STAP1: variants seen among roughly 807,000 people sequenced by gnomAD.
STAP1 encodes the protein signal-transducing adaptor protein 1.
In STAP1, 30 loss-of-function variants were observed where a neutral mutation model predicts 37.8. The observed-to-expected ratio is 0.79, with a 90% CI of 0.59 to 1.08. The LOEUF (loss-of-function observed/expected upper bound fraction) is 1.08. Ranked by LOEUF, STAP1 falls within the 50% of genes least tolerant of loss-of-function variation. The pLI is 0.00. For missense variants in STAP1, 357 were observed against 349.4 expected (o/e 1.02, Z -0.17); for synonymous variants, 130 against 116.0 (o/e 1.12, Z -0.78).
At chr4:67,560,645 T>G (rs72642305) in intron 1 of STAP1, among the ~76,000 whole-genome samples, 1,255 of 34,458 alleles carry the variant, frequency 0.036, 8 homozygotes, top group Non-Finnish European at 0.095. Context: ...TGTGTGTGGG[T>G]GTGTGTCTGT....
chr4:67,601,405 G>T (rs1728339186), intron 8 of STAP1, among the ~76,000 whole-genome samples: 1 of 152,028 alleles, frequency 6.6e-6, no homozygotes, highest in Non-Finnish European at 1.5e-5. Context: ...ACAATTTACG[G>T]TGTTATAATA....
chr4:67,573,733 AAT>A (rs1254256994), intron 2 of STAP1, among the ~76,000 whole-genome samples: 5 of 152,184 alleles, frequency 3.3e-5, no homozygotes, highest in African/African-American at 1.2e-4. Context: ...CAAACTCATC[AAT>A]ATAGAAATAG....
intron 1 of STAP1, among the ~76,000 whole-genome samples, chr4:67,563,515 A>G (rs1727397852): frequency 6.6e-6 from 1 of 152,126 alleles, no homozygotes. Flanking sequence ...AGATCAGCCT[A>G]GGCAATATAG....
intron 5 of STAP1, among the ~76,000 whole-genome samples, chr4:67,582,301 G>GTTTTTTTTTTTTTTTTTTTTT (rs368595773): frequency 6.8e-6 from 1 of 148,062 alleles, no homozygotes. Flanking sequence ...TAACATTTTA[G>GTTTTTTTTTTTTTTTTTTTTT]TTTTTTTTTT....
intron 8 of STAP1, among the ~76,000 whole-genome samples, chr4:67,602,596 G>A (rs530014408): frequency 5.9e-5 from 9 of 152,320 alleles, no homozygotes; most frequent in African/African-American, 1.9e-4. Context: ...TGTGACTCTT[G>A]AAGACTTGTA....
At chr4:67,605,388 C>CAAAAAAAAAAAAAAAAAAAAAAAAA (rs10643250) in intron 8 of STAP1, among the ~76,000 whole-genome samples, 1 of 124,748 alleles carries the variant, frequency 8.0e-6, no homozygotes, top group African/African-American at 3.1e-5. Flanking sequence ...ATAGACAATA[C>CAAAAAAAAAAAAAAAAAAAAAAAAA]AAAAAAAAAA....
intron 8 of STAP1, among the ~76,000 whole-genome samples, chr4:67,601,193 C>T (rs1373355782): frequency 1.3e-5 from 2 of 152,072 alleles, no homozygotes; most frequent in Non-Finnish European, 1.5e-5. Flanking sequence ...AACCCATTAT[C>T]TTAAACTGAT....
chr4:67,590,802 C>T, intron 6 of STAP1, 82 bp from the exon 7 acceptor site: 3 of 540,506 alleles, frequency 5.6e-6, no homozygotes, highest in Admixed American at 3.4e-5. Context: ...GTTGATTATA[C>T]AGGTGATATT....
rs192758876 is a variant in STAP1 at position 67,574,210 on chromosome 4, A to G, written c.193-1175A>G. ...CAATAGTCTTTATTGTAATGTCCATACAGACAATTGATTCTCACAGAATGC... is the reference window on the plus strand; with the variant it reads ...CAATAGTCTTTATTGTAATGTCCATGCAGACAATTGATTCTCACAGAATGC... On this transcript the variant is annotated intron_variant, in intron 2 of 8. Transcript: ENST00000265404. Among the ~76,000 whole-genome samples, 37 of 152,268 alleles carry G rather than the reference A, an allele frequency of 2.4e-4. No individual in the cohort carries two copies. In the East Asian group the frequency reaches 6.9e-3, roughly 29 times the overall value.
intron 4 of STAP1, 98 bp downstream of exon 4, chr4:67,577,357 T>C (rs561774245): frequency 2.9e-6 from 3 of 1,038,602 alleles, no homozygotes; most frequent in Non-Finnish European, 2.7e-6. Context: ...GCTGAAGATA[T>C]AGCAATTGAA....
At chr4:67,594,213 G>A (rs1215068257) in intron 8 of STAP1, among the ~76,000 whole-genome samples, 4 of 152,168 alleles carry the variant, frequency 2.6e-5, no homozygotes, top group Non-Finnish European at 5.9e-5. Context: ...ATGGGGGAAA[G>A]CAACCTTATT....
chr4:67,572,447 A>T (rs1348230217), intron 2 of STAP1, among the ~76,000 whole-genome samples: 1 of 152,116 alleles, frequency 6.6e-6, no homozygotes, highest in Non-Finnish European at 1.5e-5. Context: ...GCAACTGCTT[A>T]TGGTAATAAA....
At chr4:67,602,124 C>T (rs1300544887) in intron 8 of STAP1, among the ~76,000 whole-genome samples, 2 of 151,682 alleles carry the variant, frequency 1.3e-5, no homozygotes, top group Non-Finnish European at 2.9e-5. Flanking sequence ...CAATTCTGCC[C>T]TATTGAGAGA....
Position 67,583,656 on chromosome 4 carries a change from G to T in STAP1, c.613G>T (p.Gly205Cys). The change falls in exon 6 of 9, where the codon GGT (glycine) becomes TGT (cysteine). Residue 205 changes from glycine (G) to cysteine (C), a missense_variant. Physicochemically the swap from Gly to Cys is radical, Grantham distance 159 (BLOSUM62 -3). Transcript: ENST00000265404. ...TTTGGGAAATATGATCCTGAGGCCT[G>T]GTAGTGACAGTAGAAACTACTCCAT... is the stretch of plus-strand genomic sequence containing the variant. ...PSLGNMILRP[G>C]SDSRNYSITI... is the part of the protein sequence containing the mutation. 1.2e-6 allele frequency: 2 copies of T among 1,613,750 alleles called. No homozygotes were observed.
chr4:67,602,402 T>C (rs890888979), intron 8 of STAP1, among the ~76,000 whole-genome samples: 4 of 152,238 alleles, frequency 2.6e-5, no homozygotes, highest in Non-Finnish European at 4.4e-5. Context: ...CTAATACTTA[T>C]GTTTGTTGAT....
chr4:67,584,315 C>A (rs767691895), intron 6 of STAP1, among the ~76,000 whole-genome samples: 4 of 151,862 alleles, frequency 2.6e-5, no homozygotes, highest in Non-Finnish European at 2.9e-5. Context: ...TGAGAATACG[C>A]AGTGAAAAAA....
intron 8 of STAP1, among the ~76,000 whole-genome samples, chr4:67,597,275 T>A (rs1728246926): frequency 6.6e-6 from 1 of 152,172 alleles, no homozygotes; most frequent in African/African-American, 2.4e-5. Context: ...AGCCTGCAGG[T>A]GTGCAGAAGA....
Position 67,575,369 on chromosome 4 carries a change from T to C in STAP1, c.193-16T>C. ...CCCATGAAATAATGTAATGTGATCTTCCTTTATCTTTGCAGTATGTTGACA... is the reference window on the plus strand; with the variant it reads ...CCCATGAAATAATGTAATGTGATCTCCCTTTATCTTTGCAGTATGTTGACA... On this transcript the variant is annotated splice_polypyrimidine_tract_variant and intron_variant, in intron 2 of 8. Coordinates refer to ENST00000265404, the MANE Select transcript of STAP1 (RefSeq NM_012108.4). 1 of 1,523,844 alleles carries C rather than the reference T, an allele frequency of 6.6e-7. No individual in the cohort carries two copies. Among genetic ancestry groups the C allele is most frequent in the Non-Finnish European group, 8.9e-7 (1 of 1,124,314 alleles). The allele number at this position is 1,523,844 out of a possible 1,614,324, so 94.4% of individuals were successfully genotyped here.
chr4:67,570,026 A>ATG (rs1560457111), intron 1 of STAP1, among the ~76,000 whole-genome samples: 1 of 152,144 alleles, frequency 6.6e-6, no homozygotes, highest in Non-Finnish European at 1.5e-5. Context: ...CACCAGGCCC[A>ATG]GCCCCAGTGG....
Sources: gnomAD v4.1 joint callset for allele counts (sites outside exome capture counted in the v4.1 genomes callset) on GRCh38, gnomAD v4.1.1 for gene constraint, MANE v1.5 for transcripts, NCBI Gene and HGNC (gene_info 2026-07-23, HGNC 2026-07-21) for gene names.